Variants in ARNT2 observed in about 807,000 individuals in gnomAD.
The protein encoded by ARNT2 is aryl hydrocarbon receptor nuclear translocator 2, also known as ARNT protein 2.
ARNT2 carries 36 observed loss-of-function variants against 91.7 expected under a neutral mutation model. That is an observed-to-expected ratio of 0.39 (90% CI 0.30 to 0.52). The LOEUF is 0.52. ARNT2 is among the 20% of genes least tolerant of loss of function. The pLI is 0.72. For missense variants in ARNT2, 775 were observed against 939.3 expected (o/e 0.83, Z 2.29); for synonymous variants, 365 against 347.1 (o/e 1.05, Z -0.57).
chr15:80,569,475 C>G (rs1006073628), intron 12 of ARNT2, among the ~76,000 whole-genome samples: 2 of 152,180 alleles, frequency 1.3e-5, no homozygotes, highest in Non-Finnish European at 2.9e-5. Context: ...TGAGAAAACT[C>G]CCCAGGGCTC....
Position 80,580,046 on chromosome 15 carries a change from C to T in ARNT2, c.1614-365C>T, listed in dbSNP as rs112351171. 2.7e-3 allele frequency: 516 copies of T among 190,768 alleles called. 5 individuals carry two copies. The highest frequency in any genetic ancestry group is 0.01 in the African/African-American group (450 of 43,856). 11.8% of individuals were successfully genotyped at this position (190,768 alleles called of 1,614,324 possible). ...ACAAAAGAGTGAGTGAACAGTGGGA[C>T]TGATTTTTATTCTAAGAAGCTTCTC... is the stretch of plus-strand genomic sequence containing the variant. On this transcript the variant is annotated intron_variant, in intron 15 of 18. Transcript: ENST00000303329.
intron 4 of ARNT2, among the ~76,000 whole-genome samples, chr15:80,472,887 A>G (rs1353471746): frequency 6.6e-6 from 1 of 152,202 alleles, no homozygotes; most frequent in Non-Finnish European, 1.5e-5. Context: ...TCCTCACCAA[A>G]AGACCTACAG....
chr15:80,419,391 G>T (rs1367605160), intron 1 of ARNT2, among the ~76,000 whole-genome samples: 1 of 152,226 alleles, frequency 6.6e-6, no homozygotes, highest in East Asian at 1.9e-4. Context: ...CATTTCACAG[G>T]TGAGGAAATA....
At chr15:80,408,747 A>G (rs960792657) in intron 1 of ARNT2, among the ~76,000 whole-genome samples, 3 of 152,146 alleles carry the variant, frequency 2.0e-5, no homozygotes, top group African/African-American at 7.2e-5. Flanking sequence ...AGGACACATC[A>G]TTCTTTTATG....
At chr15:80,535,210 ATAGT>A (rs141396369) in intron 8 of ARNT2, among the ~76,000 whole-genome samples, 57,117 of 151,754 alleles carry the variant, frequency 0.38, 11,191 homozygotes, top group African/African-American at 0.46. Flanking sequence ...TAACAAAAAC[ATAGT>A]TAGTTGTTTA....
intron 8 of ARNT2, among the ~76,000 whole-genome samples, chr15:80,525,594 C>T (rs1489196749): frequency 1.3e-5 from 2 of 152,018 alleles, no homozygotes; most frequent in Non-Finnish European, 2.9e-5. Flanking sequence ...TTTGCCTAGA[C>T]AAAGAAATCA....
intron 8 of ARNT2, among the ~76,000 whole-genome samples, chr15:80,530,415 C>T (rs1338875793): frequency 2.0e-5 from 3 of 152,116 alleles, no homozygotes; most frequent in East Asian, 1.9e-4. Flanking sequence ...TCACAACATG[C>T]CGTGTTCTGT....
intron 8 of ARNT2, among the ~76,000 whole-genome samples, chr15:80,519,510 C>G (rs929826560): frequency 2.0e-5 from 3 of 152,120 alleles, no homozygotes; most frequent in Admixed American, 6.5e-5. Flanking sequence ...ATCAGATATG[C>G]TTTTGTGTCA....
In ARNT2 at chr15:80,574,168, C is replaced by G. The variant is rs776047316; in HGVS notation, c.1337C>G (p.Ala446Gly). The G allele has an allele frequency of 5.6e-6, 9 of 1,614,084 alleles. No homozygotes were observed. In the South Asian group the frequency reaches 9.9e-5, roughly 18 times the overall value. Residue 446 changes from alanine (A) to glycine (G), a missense_variant, in exon 13 of 19, where the codon GCA (alanine) becomes GGA (glycine). By Grantham distance (60) the Ala-to-Gly change is moderately conservative. Transcript: ENST00000303329. ...TNVKQLQQQQ[A>G]ELEVHQRDGL... ...CACAGGCAACTTCAGCAACAGCAGGCAGAATTGGAAGTGCACCAGAGAGAT... is the reference window on the plus strand; with the variant it reads ...CACAGGCAACTTCAGCAACAGCAGGGAGAATTGGAAGTGCACCAGAGAGAT...
intron 12 of ARNT2, among the ~76,000 whole-genome samples, chr15:80,564,159 C>A: frequency 6.6e-6 from 1 of 152,158 alleles, no homozygotes; most frequent in East Asian, 1.9e-4. Flanking sequence ...GTCTCACCAT[C>A]GTAGTCAGTG....
chr15:80,466,869 G>A (rs561472652), intron 3 of ARNT2, among the ~76,000 whole-genome samples: 2 of 152,338 alleles, frequency 1.3e-5, no homozygotes, highest in African/African-American at 4.8e-5. Flanking sequence ...GTTGCCCTAA[G>A]GCCATCTTCT....
At chr15:80,580,381 T>G in intron 15 of ARNT2, 30 bp from the exon 16 acceptor site, 1 of 1,613,472 alleles carries the variant, frequency 6.2e-7, no homozygotes. Flanking sequence ...AGGTGTGTCC[T>G]CGGGATAAAT....
At position 80,576,273 on chromosome 15, in the gene ARNT2, C is replaced by T. The variant is rs934421732; in HGVS notation, c.1514-593C>T. On this transcript the variant is annotated intron_variant, in intron 14 of 18. Coordinates refer to ENST00000303329, the MANE Select transcript of ARNT2 (RefSeq NM_014862.4). ...GGATAAAATAATGTCTGAGAAAGAA[C>T]TCTCATTAATTTTTTTTTTTTGAGG... 3.8e-5 allele frequency among the ~76,000 whole-genome samples: 5 copies of T among 130,314 alleles called. No homozygotes were observed. The Admixed American group carries it at 3.9e-4, about 10-fold the overall frequency. The allele number at this position is 130,314 out of a possible 152,430, so 85.5% of individuals were successfully genotyped here.
At chr15:80,553,663 T>A (rs977789206) in intron 10 of ARNT2, among the ~76,000 whole-genome samples, 2 of 152,174 alleles carry the variant, frequency 1.3e-5, no homozygotes, top group Non-Finnish European at 2.9e-5. Flanking sequence ...TGAATATACA[T>A]AAAGGATATA....
chr15:80,538,377 A>T (rs1897855639), intron 8 of ARNT2, among the ~76,000 whole-genome samples: 1 of 152,186 alleles, frequency 6.6e-6, no homozygotes. Context: ...TAAATCTCAA[A>T]CTTATAGAAC....
intron 8 of ARNT2, among the ~76,000 whole-genome samples, chr15:80,542,756 A>AT (rs1226105554): frequency 6.6e-6 from 1 of 152,190 alleles, no homozygotes; most frequent in African/African-American, 2.4e-5. Flanking sequence ...TTACCGAAAG[A>AT]TCCCTCCAAA....
At chr15:80,580,141 C>T (rs752970339) in intron 15 of ARNT2, 5 of 442,366 alleles carry the variant, frequency 1.1e-5, no homozygotes, top group South Asian at 2.5e-5. Flanking sequence ...CTGAAGAGTG[C>T]GTGGGAGACC....
At chr15:80,418,753 C>A (rs920903553) in intron 1 of ARNT2, among the ~76,000 whole-genome samples, 2 of 152,234 alleles carry the variant, frequency 1.3e-5, no homozygotes, top group Non-Finnish European at 2.9e-5. Context: ...CCTTGTACCT[C>A]CTTACCTGGC....
Position 80,563,123 on chromosome 15 carries a change from G to C in ARNT2, c.1200G>C (p.Met400Ile). 3.7e-6 allele frequency: 6 copies of C among 1,614,188 alleles called. No homozygotes were observed. The South Asian group carries it at 6.6e-5, about 18-fold the overall frequency. The change falls in exon 12 of 19, where the codon ATG becomes ATC. Residue 400 changes from methionine to isoleucine, a missense_variant. Physicochemically the swap from Met to Ile is conservative, Grantham distance 10. Transcript: ENST00000303329. Reference sequence around the variant, plus strand: ...TGAAAGGCCAAGTCCTGTCGGTCATGTATCGATTTCGCACCAAGAACCGGG... The same window carrying C: ...TGAAAGGCCAAGTCCTGTCGGTCATCTATCGATTTCGCACCAAGAACCGGG... ...VKLKGQVLSV[M>I]YRFRTKNREW...
Sources: allele counts gnomAD v4.1 joint callset (sites outside exome capture counted in the v4.1 genomes callset), GRCh38; gene constraint gnomAD v4.1.1; transcripts MANE v1.5; gene names NCBI Gene and HGNC (gene_info 2026-07-23, HGNC 2026-07-21).